PPFIA2: variants seen among roughly 807,000 people sequenced by gnomAD.
PPFIA2 encodes PPFI scaffold protein A2.
PPFIA2 carries 46 observed loss-of-function variants against 175.5 expected under a neutral mutation model. That is an observed-to-expected ratio of 0.26 (90% CI 0.21 to 0.34). The LOEUF (loss-of-function observed/expected upper bound fraction) is 0.34. Ranked by LOEUF, PPFIA2 falls within the 10% of genes least tolerant of loss-of-function variation. The pLI, the probability that PPFIA2 is intolerant of heterozygous loss-of-function variation, is 1.00. For synonymous variants in PPFIA2, 568 were observed against 511.4 expected (o/e 1.11, Z -1.49); for missense variants, 1,179 against 1,506.1 (o/e 0.78, Z 3.60).
chr12:81,318,684 T>C lies in PPFIA2; in HGVS notation c.2642+7093A>G, dbSNP rs192654294. ...TTTCACTTAGTCATCATCAATTCAT[T>C]TGTGAAGCCCCTTTGGTTATTTGTC... On this transcript the variant is annotated intron_variant, in intron 22 of 32. Coordinates refer to ENST00000549396, the MANE Select transcript of PPFIA2 (RefSeq NM_003625.5). Among the ~76,000 whole-genome samples, 12 of 151,882 alleles carry C rather than the reference T, an allele frequency of 7.9e-5. No homozygotes were observed. The East Asian group carries it at 2.3e-3, about 29-fold the overall frequency.
At chr12:81,355,855 G>T (rs1327154770) in intron 16 of PPFIA2, among the ~76,000 whole-genome samples, 4 of 152,182 alleles carry the variant, frequency 2.6e-5, no homozygotes, top group Non-Finnish European at 5.9e-5. Context: ...TGCTTTGATT[G>T]TTTATCACTA....
At chr12:81,322,967 T>C (rs1248189613) in intron 22 of PPFIA2, among the ~76,000 whole-genome samples, 1 of 152,140 alleles carries the variant, frequency 6.6e-6, no homozygotes, top group Admixed American at 6.6e-5. Flanking sequence ...TGTTGTAACC[T>C]ATGTGTGTTA....
chr12:81,553,608 G>A (rs1234934821), intron 4 of PPFIA2, among the ~76,000 whole-genome samples: 1 of 152,044 alleles, frequency 6.6e-6, no homozygotes, highest in Non-Finnish European at 1.5e-5. Flanking sequence ...GGAACCACAA[G>A]ACTCTGCGGA....
At chr12:81,615,616 G>A (rs1019241170) in intron 4 of PPFIA2, among the ~76,000 whole-genome samples, 2 of 152,082 alleles carry the variant, frequency 1.3e-5, no homozygotes, top group Non-Finnish European at 2.9e-5. Context: ...TTTCTCAGAG[G>A]TCAACTAAGA....
At chr12:81,609,852 A>T (rs2060711259) in intron 4 of PPFIA2, among the ~76,000 whole-genome samples, 1 of 152,092 alleles carries the variant, frequency 6.6e-6, no homozygotes, top group South Asian at 2.1e-4. Context: ...TTGATTTTAC[A>T]GTTGCTTTAT....
chr12:81,656,039 C>A (rs1051362027), intron 4 of PPFIA2, among the ~76,000 whole-genome samples: 1 of 151,712 alleles, frequency 6.6e-6, no homozygotes, highest in Non-Finnish European at 1.5e-5. Context: ...TTTGAAAGAC[C>A]ATGGTTATTG....
intron 22 of PPFIA2, among the ~76,000 whole-genome samples, chr12:81,299,760 C>A (rs993385277): frequency 6.6e-6 from 1 of 152,116 alleles, no homozygotes; most frequent in Non-Finnish European, 1.5e-5. Context: ...ATCTGCCCTG[C>A]CCTCTTTGCC....
At chr12:81,717,812 T>C (rs934978258) in intron 3 of PPFIA2, among the ~76,000 whole-genome samples, 2 of 151,446 alleles carry the variant, frequency 1.3e-5, no homozygotes, top group Non-Finnish European at 3.0e-5. Flanking sequence ...TGTGATGCAA[T>C]GGCAAAGTGC....
intron 8 of PPFIA2, among the ~76,000 whole-genome samples, chr12:81,395,332 C>T (rs1215495055): frequency 2.0e-5 from 3 of 151,968 alleles, no homozygotes; most frequent in Non-Finnish European, 4.4e-5. Context: ...TGAATGGAGA[C>T]ATAAGCCATA....
intron 4 of PPFIA2, among the ~76,000 whole-genome samples, chr12:81,599,617 T>C (rs2059593729): frequency 6.6e-6 from 1 of 152,038 alleles, no homozygotes; most frequent in South Asian, 2.1e-4. Flanking sequence ...GGGACACTTG[T>C]CAAAACTAAG....
At chr12:81,752,396 A>ATT (rs1181918086) in intron 3 of PPFIA2, among the ~76,000 whole-genome samples, 4 of 152,198 alleles carry the variant, frequency 2.6e-5, no homozygotes, top group African/African-American at 9.7e-5. Flanking sequence ...ATGAAGAGCA[A>ATT]TTGCAAAGAC....
rs1038970837 is a variant in PPFIA2, at chr12:81,391,053, G to A, written c.763-6809C>T. On this transcript the variant is annotated intron_variant, in intron 8 of 32. Coordinates refer to ENST00000549396, the MANE Select transcript of PPFIA2 (RefSeq NM_003625.5). ...AATAAGTTTTAGAATGTTTTAAAAG[G>A]TGATAATACTTTTCTGACATCAAGG... Among the ~76,000 whole-genome samples, 95 of 151,836 alleles carry A rather than the reference G, an allele frequency of 6.3e-4. 2 individuals are homozygous for A. The highest frequency in any genetic ancestry group is 2.2e-3 in the African/African-American group (92 of 41,370).
chr12:81,569,491 A>G (rs771719104), intron 4 of PPFIA2, among the ~76,000 whole-genome samples: 3 of 152,316 alleles, frequency 2.0e-5, no homozygotes, highest in Non-Finnish European at 4.4e-5. Flanking sequence ...ACTGAATCCT[A>G]TGGTTCAGAG....
At chr12:81,441,883 A>ATATCACACTT (rs2050238276) in intron 6 of PPFIA2, among the ~76,000 whole-genome samples, 1 of 152,140 alleles carries the variant, frequency 6.6e-6, no homozygotes, top group Non-Finnish European at 1.5e-5. Flanking sequence ...AACGCTGATC[A>ATATCACACTT]TATCACACTT....
chr12:81,350,633 T>C (rs1173620836), intron 17 of PPFIA2: 31 of 152,224 alleles, frequency 2.0e-4, no homozygotes, highest in Non-Finnish European at 8.8e-5. Context: ...AGGTGAGGTA[T>C]TGTAGACCAT....
intron 24 of PPFIA2, among the ~76,000 whole-genome samples, chr12:81,291,679 T>G: frequency 6.6e-6 from 1 of 152,034 alleles, no homozygotes; most frequent in East Asian, 1.9e-4. Flanking sequence ...AAATGTTGTT[T>G]ATAAGTACAT....
chr12:81,495,301 A>G (rs1394182861), intron 4 of PPFIA2, among the ~76,000 whole-genome samples: 2 of 152,096 alleles, frequency 1.3e-5, no homozygotes, highest in African/African-American at 4.8e-5. Context: ...TATCAAATTG[A>G]ATCATAACAT....
At chr12:81,366,648 T>G (rs1595653776) in intron 14 of PPFIA2, among the ~76,000 whole-genome samples, 1 of 151,936 alleles carries the variant, frequency 6.6e-6, no homozygotes, top group Non-Finnish European at 1.5e-5. Flanking sequence ...TTAGATTTTT[T>G]TAGCTCCTTT....
chr12:81,405,581 TAC>T (rs1442516825), intron 8 of PPFIA2, among the ~76,000 whole-genome samples: 1 of 151,928 alleles, frequency 6.6e-6, no homozygotes, highest in African/African-American at 2.4e-5. Flanking sequence ...TGTATATGCA[TAC>T]ACACAACATA....
Sources: gnomAD v4.1 joint callset for allele counts (sites outside exome capture counted in the v4.1 genomes callset) on GRCh38, gnomAD v4.1.1 for gene constraint, MANE v1.5 for transcripts, NCBI Gene and HGNC (gene_info 2026-07-23, HGNC 2026-07-21) for gene names.